The following SAPCD1 variants were observed in gnomAD, a reference collection of about 807,000 sequenced individuals.
The protein encoded by SAPCD1 is suppressor APC domain-containing protein 1.
SAPCD1 carries 16 observed loss-of-function variants against 20.7 expected under a neutral mutation model. That is an observed-to-expected ratio of 0.77 (90% CI 0.52 to 1.17). SAPCD1 has a LOEUF of 1.17. Among genes scored for constraint, SAPCD1 ranks in the 50% most tolerant of loss-of-function variants. The pLI, the probability that SAPCD1 is intolerant of heterozygous loss-of-function variation, is 0.00. For synonymous variants in SAPCD1, 77 were observed against 84.8 expected, an observed-to-expected ratio of 0.91 and a Z score of 0.50; for missense variants, 173 against 209.9, an observed-to-expected ratio of 0.82 and a Z score of 1.09.
Position 31,764,209 on chromosome 6 carries a change from G to T in SAPCD1, c.351+50G>T. ...ACTTTTGGGAAGTTGGACTAGAGAG[G>T]GGAGTTGTTGGGGTCAGTGCTGGCT... is the stretch of plus-strand genomic sequence containing the variant. On this transcript the variant is annotated intron_variant, in intron 3 of 4. Transcript: ENST00000415669. The surrounding 1 kb of genome is among the most constrained non-coding windows in gnomAD (Gnocchi z 4.7). 6.3e-7 allele frequency: 1 copy of T among 1,598,752 alleles called. No individual in the cohort carries two copies. Among genetic ancestry groups the T allele is most frequent in the Non-Finnish European group, 8.6e-7 (1 of 1,165,926 alleles).
In SAPCD1 at chr6:31,763,951, A is replaced by T. The variant is rs1398216598; in HGVS notation, c.256-113A>T. On this transcript the variant is annotated intron_variant, in intron 2 of 4. Transcript: ENST00000415669. This position sits in a 1 kb window ranked among gnomAD's most constrained non-coding sequence, Gnocchi z 4.9. The stretch of plus-strand genomic sequence containing the variant: ...TACTGGATTTTCCCACCTGCCTGGG[A>T]GGGTACTGGGACGAGGGGATCCAGA... 16 of 743,768 alleles carry T rather than the reference A, an allele frequency of 2.2e-5. No individual in the cohort carries two copies. Among genetic ancestry groups the T allele is most frequent in the Non-Finnish European group, 3.8e-5 (16 of 419,136 alleles). The allele number at this position is 743,768 out of a possible 1,614,324, so 46.1% of individuals were successfully genotyped here. A position where few individuals can be genotyped will look rare whatever the true frequency, so the allele number is the denominator to read the frequency against.
Position 31,764,053 on chromosome 6 carries a change from T to A in SAPCD1, c.256-11T>A. 2 of 1,593,254 alleles carry A rather than the reference T, an allele frequency of 1.3e-6. No homozygotes were observed. Among genetic ancestry groups the A allele is most frequent in the South Asian group, 2.2e-5 (2 of 90,624 alleles). On this transcript the variant is annotated splice_polypyrimidine_tract_variant and intron_variant, in intron 2 of 4. Transcript: ENST00000415669. This position sits in a 1 kb window ranked among gnomAD's most constrained non-coding sequence, Gnocchi z 4.7. ...TTTCACCATGTTGTCAGCCTCCAAC[T>A]CCTCCTCTAGAATTTTCTAACAGAT...
At position 31,763,052 on chromosome 6, in the gene SAPCD1, G is replaced by T; in HGVS notation, c.-3G>T. Reference sequence around the variant, plus strand: ...GTGGCTCCACCCTTCCCACCTCAGAGCCATGGGGAGCCAGGGCTCTGGCGG... The same window carrying T: ...GTGGCTCCACCCTTCCCACCTCAGATCCATGGGGAGCCAGGGCTCTGGCGG... On this transcript the variant is annotated 5_prime_UTR_variant, in exon 1 of 5. Coordinates refer to ENST00000415669, the Ensembl canonical transcript of SAPCD1. The surrounding 1 kb of genome is among the most constrained non-coding windows in gnomAD (Gnocchi z 4.9). 1 of 1,566,826 alleles carries T rather than the reference G, an allele frequency of 6.4e-7. No individual in the cohort carries two copies. Among genetic ancestry groups the T allele is most frequent in the Non-Finnish European group, 8.7e-7 (1 of 1,150,752 alleles).
At position 31,764,368 on chromosome 6, in the gene SAPCD1, A is replaced by T; in HGVS notation, c.441+13A>T. ...GTGGCAGCAACAGGTAAACTTCAAG[A>T]AGGAGGGCAGGAGCCCCACCCTACA... On this transcript the variant is annotated intron_variant, in intron 4 of 4. Transcript: ENST00000415669. This position sits in a 1 kb window ranked among gnomAD's most constrained non-coding sequence, Gnocchi z 4.7. 1 of 1,612,560 alleles carries T rather than the reference A, an allele frequency of 6.2e-7. No homozygotes were observed. Among genetic ancestry groups the T allele is most frequent in the South Asian group, 1.1e-5 (1 of 91,062 alleles).
rs1006483649 is a variant in SAPCD1 at position 31,763,546 on chromosome 6, C to A, written c.246C>A (p.Ala82=). The A allele has an allele frequency of 8.1e-6, 13 of 1,610,622 alleles. No individual in the cohort carries two copies. The highest frequency in any genetic ancestry group is 1.1e-5 in the Non-Finnish European group (13 of 1,178,912). ...AGCGACAGCAGCTGCATCTAGGGGC[C>A]CTTGGTGAGGTATGGGGGCTGCCCC... Residue 82 remains alanine (A), a synonymous_variant, in exon 2 of 5, where the codon GCC becomes GCA. Coordinates refer to ENST00000415669, the Ensembl canonical transcript of SAPCD1. This position sits in a 1 kb window ranked among gnomAD's most constrained non-coding sequence, Gnocchi z 4.9.
chr6:31,764,438 G>A lies in SAPCD1; in HGVS notation c.444G>A (p.Glu148=), dbSNP rs1362077064. The A allele has an allele frequency of 1.2e-6, 2 of 1,614,126 alleles. No homozygotes were observed. Among genetic ancestry groups the A allele is most frequent in the Non-Finnish European group, 1.7e-6 (2 of 1,179,968 alleles). The stretch of plus-strand genomic sequence containing the variant: ...GGCCCCATCTGTTTCTCCTCCAGGA[G>A]TTGTCAAGGCAGCAGAAAGGAGTCA... Residue 148 remains glutamate (E), a splice_region_variant and synonymous_variant, in exon 5 of 5, where the codon GAG becomes GAA. Coordinates refer to ENST00000415669, the Ensembl canonical transcript of SAPCD1. This position sits in a 1 kb window ranked among gnomAD's most constrained non-coding sequence, Gnocchi z 4.7.
Position 31,763,001 on chromosome 6 carries a change from G to C in SAPCD1, c.-54G>C. The stretch of plus-strand genomic sequence containing the variant: ...GTGCAAGGCAGGGGTGGAGGGGAGG[G>C]ACCAGCCCGGGCTGCACCAGTGGGA... On this transcript the variant is annotated 5_prime_UTR_variant, in exon 1 of 5. Transcript: ENST00000415669. The surrounding 1 kb of genome is among the most constrained non-coding windows in gnomAD (Gnocchi z 4.9). 1 of 1,027,234 alleles carries C rather than the reference G, an allele frequency of 9.7e-7. No homozygotes were observed. Among genetic ancestry groups the C allele is most frequent in the Non-Finnish European group, 1.4e-6 (1 of 695,008 alleles). The allele number at this position is 1,027,234 out of a possible 1,614,324, so 63.6% of individuals were successfully genotyped here.
At chr6:31,762,881 T>G, upstream of SAPCD1, 1 of 563,042 alleles carries the variant, frequency 1.8e-6, no homozygotes, top group Non-Finnish European at 3.1e-6. Context: ...GACAGAGGGG[T>G]CCAAGGGAGA....
rs763836091 is a variant in SAPCD1, at chr6:31,764,101, C to T, written c.293C>T (p.Pro98Leu). 36 of 1,613,760 alleles carry T rather than the reference C, an allele frequency of 2.2e-5. No homozygotes were observed. The highest frequency in any genetic ancestry group is 2.5e-5 in the Non-Finnish European group (29 of 1,179,804). ...GATTTACACTCAGAGCCTGGTCGCC[C>T]CCCGTTAGCCCAGATTCAAAAGGTG... The change falls in exon 3 of 5, where the codon CCC becomes CTC. Residue 98 changes from proline to leucine, a missense_variant. By Grantham distance (98) the Pro-to-Leu change is moderately conservative. Coordinates refer to ENST00000415669, the Ensembl canonical transcript of SAPCD1. This position sits in a 1 kb window ranked among gnomAD's most constrained non-coding sequence, Gnocchi z 4.7.
Position 31,763,912 on chromosome 6 carries a change from A to G in SAPCD1, c.256-152A>G. ...ATGGAGGAACTGATGTGCTAAAGAGATGGAGGTGGAGAGTACTGGATTTTC... is the reference window on the plus strand; with the variant it reads ...ATGGAGGAACTGATGTGCTAAAGAGGTGGAGGTGGAGAGTACTGGATTTTC... On this transcript the variant is annotated intron_variant, in intron 2 of 4. Coordinates refer to ENST00000415669, the Ensembl canonical transcript of SAPCD1. This position sits in a 1 kb window ranked among gnomAD's most constrained non-coding sequence, Gnocchi z 4.9. 1 of 631,918 alleles carries G rather than the reference A, an allele frequency of 1.6e-6. No homozygotes were observed. Among genetic ancestry groups the G allele is most frequent in the Non-Finnish European group, 2.8e-6 (1 of 353,366 alleles). 39.1% of individuals were successfully genotyped at this position (631,918 alleles called of 1,614,324 possible).
Position 31,764,522 on chromosome 6 carries a change from C to G in SAPCD1, c.528C>G (p.Thr176=), listed in dbSNP as rs758331169. The change falls in exon 5 of 5, where the codon ACC becomes ACG. Residue 176 remains threonine (T), a synonymous_variant. Transcript: ENST00000415669. This position sits in a 1 kb window ranked among gnomAD's most constrained non-coding sequence, Gnocchi z 4.7. The stretch of plus-strand genomic sequence containing the variant: ...GCACCAAGGGGCCAAGAGGCCCTAC[C>G]CGTGTCTAAACCCTCCTCTCACTCC... The G allele has an allele frequency of 4.3e-6, 7 of 1,611,714 alleles. No homozygotes were observed. Among genetic ancestry groups the G allele is most frequent in the African/African-American group, 1.3e-5 (1 of 74,998 alleles).
chr6:31,764,765 A>G lies in SAPCD1; in HGVS notation c.*234A>G. 1 of 470,036 alleles carries G rather than the reference A, an allele frequency of 2.1e-6. No homozygotes were observed. The highest frequency in any genetic ancestry group is 3.3e-5 in the African/African-American group (1 of 30,472). The allele number at this position is 470,036 out of a possible 1,614,324, so 29.1% of individuals were successfully genotyped here. A position where few individuals can be genotyped will look rare whatever the true frequency, so the allele number is the denominator to read the frequency against. On this transcript the variant is annotated 3_prime_UTR_variant, in exon 5 of 5. Coordinates refer to ENST00000415669, the Ensembl canonical transcript of SAPCD1. The surrounding 1 kb of genome is among the most constrained non-coding windows in gnomAD (Gnocchi z 4.7). ...GATCTTTCTTTGAAATCCCTCTGGG[A>G]AGAAGCATGTTTATTGAAACTGTCC...
At position 31,764,013 on chromosome 6, in the gene SAPCD1, C is replaced by A; in HGVS notation, c.256-51C>A. ...GCCTGTGGTGACAGGAATAGAGTGG[C>A]AGACGACCTCAGGTTTTCACCATGT... is the stretch of plus-strand genomic sequence containing the variant. On this transcript the variant is annotated intron_variant, in intron 2 of 4. Coordinates refer to ENST00000415669, the Ensembl canonical transcript of SAPCD1. This position sits in a 1 kb window ranked among gnomAD's most constrained non-coding sequence, Gnocchi z 4.7. 2 of 1,223,036 alleles carry A rather than the reference C, an allele frequency of 1.6e-6. No homozygotes were observed. The highest frequency in any genetic ancestry group is 2.4e-6 in the Non-Finnish European group (2 of 824,132). 75.8% of individuals were successfully genotyped at this position (1,223,036 alleles called of 1,614,324 possible). A position where few individuals can be genotyped will look rare whatever the true frequency, so the allele number is the denominator to read the frequency against.
upstream of SAPCD1, chr6:31,762,880 G>A: frequency 1.8e-6 from 1 of 566,584 alleles, no homozygotes; most frequent in Non-Finnish European, 3.1e-6. Flanking sequence ...AGACAGAGGG[G>A]TCCAAGGGAG....
At position 31,763,091 on chromosome 6, in the gene SAPCD1, C is replaced by A; in HGVS notation, c.37C>A (p.Gln13Lys). 1 of 1,571,572 alleles carries A rather than the reference C, an allele frequency of 6.4e-7. No homozygotes were observed. The highest frequency in any genetic ancestry group is 1.2e-5 in the South Asian group (1 of 86,278). The change falls in exon 1 of 5, where the codon CAG becomes AAG. Residue 13 changes from glutamine (Q) to lysine (K), a missense_variant. By Grantham distance (53) the Gln-to-Lys change is moderately conservative. Transcript: ENST00000415669. The surrounding 1 kb of genome is among the most constrained non-coding windows in gnomAD (Gnocchi z 4.9). ...GGGCTCTGGCGGGGTGCCCTTGGTG[C>A]AGGCTCCCTACACAGTCCTGCTGCT...
chr6:31,763,108 C>CCTG lies in SAPCD1; in HGVS notation c.62_64dup (p.Leu21dup), dbSNP rs1811176066. On this transcript the variant is annotated inframe_insertion, in exon 1 of 5. Coordinates refer to ENST00000415669, the Ensembl canonical transcript of SAPCD1. This position sits in a 1 kb window ranked among gnomAD's most constrained non-coding sequence, Gnocchi z 4.9. ...CCTTGGTGCAGGCTCCCTACACAGT[C>CCTG]CTGCTGCTGCCGCTGGGGACAAGCC... 13 of 1,565,658 alleles carry CCTG rather than the reference C, an allele frequency of 8.3e-6. No homozygotes were observed. The highest frequency in any genetic ancestry group is 1.1e-5 in the Non-Finnish European group (13 of 1,161,062).
chr6:31,763,421 A>G lies in SAPCD1; in HGVS notation c.121A>G (p.Arg41Gly). Residue 41 changes from arginine (R) to glycine (G), a missense_variant, in exon 2 of 5, where the codon AGG (arginine) becomes GGG (glycine). Coordinates refer to ENST00000415669, the Ensembl canonical transcript of SAPCD1. This position sits in a 1 kb window ranked among gnomAD's most constrained non-coding sequence, Gnocchi z 4.9. ...CTGTGATTGCCTTTCCCAGCTACGC[A>G]GGATGCAGGCTCTGGAGAGAGAACA... 1 of 1,613,058 alleles carries G rather than the reference A, an allele frequency of 6.2e-7. No homozygotes were observed. The highest frequency in any genetic ancestry group is 1.1e-5 in the South Asian group (1 of 91,092).
upstream of SAPCD1, chr6:31,762,993 AG>A: frequency 2.3e-6 from 2 of 884,838 alleles, no homozygotes; most frequent in Non-Finnish European, 3.5e-6. Context: ...GCAGGGGTGG[AG>A]GGGAGGGACC....
At position 31,763,201 on chromosome 6, in the gene SAPCD1, A is replaced by G. The variant is rs1219949022; in HGVS notation, c.114+33A>G. On this transcript the variant is annotated intron_variant, in intron 1 of 4. Coordinates refer to ENST00000415669, the Ensembl canonical transcript of SAPCD1. This position sits in a 1 kb window ranked among gnomAD's most constrained non-coding sequence, Gnocchi z 4.9. ...TCAGCCCAACAAGAGGTCCCAGGGG[A>G]ACTCTCTCAATAGATCTGCCCTTTA... 17 of 1,323,320 alleles carry G rather than the reference A, an allele frequency of 1.3e-5. No homozygotes were observed. Among genetic ancestry groups the G allele is most frequent in the Non-Finnish European group, 1.7e-5 (16 of 949,862 alleles). 82.0% of individuals were successfully genotyped at this position (1,323,320 alleles called of 1,614,324 possible).
Sources: allele counts gnomAD v4.1 joint callset, GRCh38; gene constraint gnomAD v4.1.1; non-coding constraint Gnocchi (gnomAD v3.1); transcripts MANE v1.5; gene names NCBI Gene and HGNC (gene_info 2026-07-23, HGNC 2026-07-21).